Variants in CRADD observed in about 807,000 individuals in gnomAD.
CRADD encodes the protein death domain-containing protein CRADD.
Under a neutral mutation model 15.5 loss-of-function variants are expected in CRADD, and 9 were observed. The ratio of observed to expected loss-of-function variants is 0.58; its 90% confidence interval spans 0.35 to 1.01. The LOEUF (loss-of-function observed/expected upper bound fraction) is 1.01. Among genes scored for constraint, CRADD ranks in the 50% least tolerant of loss-of-function variants. The pLI, the probability that CRADD is intolerant of heterozygous loss-of-function variation, is 0.02. For synonymous variants in CRADD, 118 were observed against 107.6 expected, an observed-to-expected ratio of 1.10 and a Z score of -0.60; for missense variants, 227 against 250.3, an observed-to-expected ratio of 0.91 and a Z score of 0.63.
chr12:93,752,002 C>T (rs577528280), intron 2 of CRADD, among the ~76,000 whole-genome samples: 5 of 152,326 alleles, frequency 3.3e-5, no homozygotes, highest in South Asian at 2.1e-4. Context: ...TGGAGGTAGT[C>T]GGGCCGGCAA....
chr12:93,833,625 C>T (rs1339379198), intron 2 of CRADD, among the ~76,000 whole-genome samples: 1 of 152,188 alleles, frequency 6.6e-6, no homozygotes, highest in Non-Finnish European at 1.5e-5. Context: ...AGGCATGAGC[C>T]ACTGCCTCAG....
chr12:93,893,975 A>G, intron 2 of CRADD: 2 of 700,486 alleles, frequency 2.9e-6, no homozygotes, highest in South Asian at 3.0e-5. Flanking sequence ...AATACATCTC[A>G]AAGTGCACCA....
At position 93,815,716 on chromosome 12, in the gene CRADD, G is replaced by A. The variant is rs543168954; in HGVS notation, c.299-34254G>A. ...AGCCTGTGAGATTATTTAGCCAAAT[G>A]CCTTCATTTTTACTGGTGAGTAAAC... is the stretch of plus-strand genomic sequence containing the variant. On this transcript the variant is annotated intron_variant, in intron 2 of 2. Coordinates refer to ENST00000332896, the MANE Select transcript of CRADD (RefSeq NM_003805.5). Among the ~76,000 whole-genome samples the A allele has an allele frequency of 4.6e-5, 7 of 152,272 alleles. 1 individual carries two copies. Among genetic ancestry groups the A allele is most frequent in the Admixed American group, 2.0e-4 (3 of 15,302 alleles).
intron 2 of CRADD, among the ~76,000 whole-genome samples, chr12:93,689,333 T>C (rs945232435): frequency 2.6e-5 from 4 of 152,202 alleles, no homozygotes; most frequent in Non-Finnish European, 5.9e-5. Context: ...CTGTTATAGC[T>C]AGCTGTGGGA....
chr12:93,759,441 C>T (rs1956925822), intron 2 of CRADD, among the ~76,000 whole-genome samples: 1 of 152,062 alleles, frequency 6.6e-6, no homozygotes, highest in Non-Finnish European at 1.5e-5. Context: ...AAAATCTTCT[C>T]TTAGATTCTT....
chr12:93,779,675 C>T (rs1348090262), intron 2 of CRADD, among the ~76,000 whole-genome samples: 2 of 151,680 alleles, frequency 1.3e-5, no homozygotes, highest in East Asian at 1.9e-4. Context: ...CTGCAACCTC[C>T]ACCTCCTGGG....
At chr12:93,858,011 A>G (rs1000234975) in intron 2 of CRADD, among the ~76,000 whole-genome samples, 1 of 152,224 alleles carries the variant, frequency 6.6e-6, no homozygotes, top group Non-Finnish European at 1.5e-5. Flanking sequence ...TCTGGAAGTA[A>G]TAATTATTCC....
chr12:93,821,750 C>T (rs945204854), intron 2 of CRADD, among the ~76,000 whole-genome samples: 1 of 152,158 alleles, frequency 6.6e-6, no homozygotes, highest in Non-Finnish European at 1.5e-5. Flanking sequence ...AGGGGCACAG[C>T]CTCTTCCTTG....
intron 2 of CRADD, among the ~76,000 whole-genome samples, chr12:93,756,831 C>A (rs1956895911): frequency 6.6e-6 from 1 of 152,214 alleles, no homozygotes; most frequent in Non-Finnish European, 1.5e-5. Flanking sequence ...GCAGGACACA[C>A]AACCTCCTAG....
intron 2 of CRADD, chr12:93,790,604 G>A (rs2136984270): frequency 6.6e-6 from 1 of 152,084 alleles, no homozygotes; most frequent in Admixed American, 6.6e-5. Flanking sequence ...GGTTTTATAT[G>A]GTTCTTGATG....
At chr12:93,694,565 G>A (rs1955655025) in intron 2 of CRADD, among the ~76,000 whole-genome samples, 2 of 152,106 alleles carry the variant, frequency 1.3e-5, no homozygotes, top group Non-Finnish European at 2.9e-5. Flanking sequence ...CTTAAATATA[G>A]GAAACCCTAA....
intron 2 of CRADD, among the ~76,000 whole-genome samples, chr12:93,840,487 G>A (rs1958033926): frequency 6.6e-6 from 1 of 151,880 alleles, no homozygotes; most frequent in South Asian, 2.1e-4. Flanking sequence ...TATGTATTAG[G>A]TCATATTGTC....
At chr12:93,680,131 TA>T (rs1432722121) in intron 2 of CRADD, among the ~76,000 whole-genome samples, 1 of 152,136 alleles carries the variant, frequency 6.6e-6, no homozygotes, top group African/African-American at 2.4e-5. Flanking sequence ...TGCTTTTTCT[TA>T]ACCTCCCTTG....
intron 2 of CRADD, chr12:93,790,798 G>C (rs574230500): frequency 6.6e-6 from 1 of 151,936 alleles, no homozygotes; most frequent in African/African-American, 2.4e-5. Flanking sequence ...ATTGACTCTA[G>C]GTCCCAGATT....
chr12:93,747,119 A>G (rs146575693), intron 2 of CRADD, among the ~76,000 whole-genome samples: 2 of 152,296 alleles, frequency 1.3e-5, no homozygotes, highest in East Asian at 1.9e-4. Flanking sequence ...AAAAGGCACT[A>G]GTATTATAAA....
rs371324836 is a variant in CRADD at position 93,714,294 on chromosome 12, G to A, written c.298+35222G>A. The stretch of plus-strand genomic sequence containing the variant: ...GAGAATTTGTGACTTGATGAAATTG[G>A]GCAAAGGGCTGATTTTACAGCTACA... On this transcript the variant is annotated intron_variant, in intron 2 of 2. Transcript: ENST00000332896. Among the ~76,000 whole-genome samples, 5 of 152,240 alleles carry A rather than the reference G, an allele frequency of 3.3e-5. No individual in the cohort carries two copies. In the East Asian group the frequency reaches 9.6e-4, roughly 29 times the overall value.
At chr12:93,729,278 G>A (rs979816264) in intron 2 of CRADD, among the ~76,000 whole-genome samples, 1 of 152,152 alleles carries the variant, frequency 6.6e-6, no homozygotes, top group Non-Finnish European at 1.5e-5. Flanking sequence ...ATTTGTAAAA[G>A]GCATTGGGAT....
At chr12:93,706,522 G>A (rs1385366148) in intron 2 of CRADD, among the ~76,000 whole-genome samples, 2 of 152,148 alleles carry the variant, frequency 1.3e-5, no homozygotes, top group African/African-American at 2.4e-5. Context: ...TGTCTTGAAG[G>A]TAGTCGGGGA....
intron 2 of CRADD, among the ~76,000 whole-genome samples, chr12:93,742,017 C>G (rs1388645462): frequency 6.6e-6 from 1 of 152,064 alleles, no homozygotes; most frequent in Non-Finnish European, 1.5e-5. Flanking sequence ...GACTGTAATG[C>G]AAAAAGCTCA....
Sources: gnomAD v4.1 joint callset for allele counts (sites outside exome capture counted in the v4.1 genomes callset) on GRCh38, gnomAD v4.1.1 for gene constraint, MANE v1.5 for transcripts, NCBI Gene and HGNC (gene_info 2026-07-23, HGNC 2026-07-21) for gene names.